Variants in CCDC66 observed in about 807,000 individuals in gnomAD.
CCDC66 encodes the protein coiled-coil domain-containing protein 66.
Under a neutral mutation model 128.3 loss-of-function variants are expected in CCDC66, and 133 were observed. That is an observed-to-expected ratio of 1.04 (90% CI 0.90 to 1.20). CCDC66 has a LOEUF of 1.20. Ranked by LOEUF, CCDC66 falls within the 50% of genes most tolerant of loss-of-function variation. The probability of loss-of-function intolerance (pLI) is 0.00; values close to 1 mark genes in which losing one functional copy is unlikely to be tolerated. For missense variants in CCDC66, 1,126 were observed against 1,075.5 expected (o/e 1.05, Z -0.66); for synonymous variants, 387 against 357.0 (o/e 1.08, Z -0.95).
intron 7 of CCDC66, among the ~76,000 whole-genome samples, chr3:56,591,458 G>A (rs749671642): frequency 6.6e-6 from 1 of 152,100 alleles, no homozygotes; most frequent in Admixed American, 6.6e-5. Flanking sequence ...TTGGGCAACA[G>A]ATGAAATAAA....
intron 7 of CCDC66, among the ~76,000 whole-genome samples, chr3:56,571,853 G>A (rs754458230): frequency 3.3e-5 from 5 of 152,040 alleles, no homozygotes; most frequent in Non-Finnish European, 7.4e-5. Context: ...CAAATGGCTG[G>A]TACTACAGGT....
intron 17 of CCDC66, 68 bp downstream of exon 17, chr3:56,619,969 G>C (rs2076153027): frequency 6.6e-6 from 10 of 1,525,960 alleles, no homozygotes; most frequent in Middle Eastern, 1.7e-4. Context: ...GGAACCTGTT[G>C]AACGGTTTGT....
At position 56,573,070 on chromosome 3, in the gene CCDC66, T is replaced by C. The variant is rs1394379064; in HGVS notation, c.936+1768T>C. Among the ~76,000 whole-genome samples, 13 of 152,192 alleles carry C rather than the reference T, an allele frequency of 8.5e-5. 1 individual carries two copies. The highest frequency in any genetic ancestry group is 1.8e-4 in the Non-Finnish European group (12 of 68,046). On this transcript the variant is annotated intron_variant, in intron 7 of 17. Transcript: ENST00000394672. ...TACTTTTCAACATCAGGATAAAAAA[T>C]CTGTAATACTAAAAATGTTAAATAA...
chr3:56,595,049 A>C (rs1334384020), intron 10 of CCDC66, among the ~76,000 whole-genome samples: 1 of 152,242 alleles, frequency 6.6e-6, no homozygotes, highest in Non-Finnish European at 1.5e-5. Context: ...TTATATAAAT[A>C]ATACTTTCAG....
chr3:56,588,475 A>G (rs2106853038), intron 7 of CCDC66, among the ~76,000 whole-genome samples: 1 of 152,326 alleles, frequency 6.6e-6, no homozygotes, highest in East Asian at 1.9e-4. Context: ...TTTAAAAAGT[A>G]ATTGCAGTTT....
chr3:56,608,065 G>A (rs2074306768), intron 10 of CCDC66, among the ~76,000 whole-genome samples: 1 of 152,162 alleles, frequency 6.6e-6, no homozygotes, highest in Admixed American at 6.5e-5. Flanking sequence ...TAGCATCTAT[G>A]TTCATCAAAG....
chr3:56,591,787 C>G (rs1467943475), intron 7 of CCDC66, among the ~76,000 whole-genome samples: 1 of 152,118 alleles, frequency 6.6e-6, no homozygotes, highest in East Asian at 1.9e-4. Flanking sequence ...AATATTTCTT[C>G]TGATCAAAAC....
chr3:56,563,381 AT>A lies in CCDC66; in HGVS notation c.103-296del, dbSNP rs531194214. 293 of 150,848 alleles carry A rather than the reference AT, an allele frequency of 1.9e-3. 1 individual carries two copies. The highest frequency in any genetic ancestry group is 0.011 in the African/African-American group (281 of 26,230). 9.3% of individuals were successfully genotyped at this position (150,848 alleles called of 1,614,324 possible). On this transcript the variant is annotated intron_variant, in intron 3 of 17. Coordinates refer to ENST00000394672, the MANE Select transcript of CCDC66 (RefSeq NM_001141947.3). Reference sequence around the variant, plus strand: ...GTGTCAAAAAAAAGTAGTTAAAAAAATTTTTTTAATTGAAAAAAAAAAAAAA... The same window carrying A: ...GTGTCAAAAAAAAGTAGTTAAAAAAATTTTTTAATTGAAAAAAAAAAAAAA...
rs1480230690 is a variant in CCDC66, at chr3:56,583,975, C to A, written c.937-8995C>A. Among the ~76,000 whole-genome samples, 6 of 135,004 alleles carry A rather than the reference C, an allele frequency of 4.4e-5. No individual in the cohort carries two copies. The South Asian group carries it at 1.4e-3, about 32-fold the overall frequency. The allele number at this position is 135,004 out of a possible 152,430, so 88.6% of individuals were successfully genotyped here. ...GGGCGGCTGGCCGGGCGGGGGCTGC[C>A]CCCCACCTCCCTCCCGGACGGGGCG... On this transcript the variant is annotated intron_variant, in intron 7 of 17. Transcript: ENST00000394672.
chr3:56,600,559 G>T (rs912023228), intron 10 of CCDC66, among the ~76,000 whole-genome samples: 2 of 152,002 alleles, frequency 1.3e-5, no homozygotes, highest in African/African-American at 4.8e-5. Flanking sequence ...TTGCCACACT[G>T]TCTTCCACAA....
At chr3:56,596,094 T>C (rs2071860282) in intron 10 of CCDC66, among the ~76,000 whole-genome samples, 1 of 152,164 alleles carries the variant, frequency 6.6e-6, no homozygotes, top group Admixed American at 6.5e-5. Context: ...TTAATTTTTT[T>C]CTTTTATAGA....
At position 56,603,200 on chromosome 3, in the gene CCDC66, T is replaced by C. The variant is rs956576597; in HGVS notation, c.1404+9172T>C. Among the ~76,000 whole-genome samples, 7 of 151,578 alleles carry C rather than the reference T, an allele frequency of 4.6e-5. 1 individual carries two copies. Among genetic ancestry groups the C allele is most frequent in the East Asian group, 1.9e-4 (1 of 5,164 alleles). ...CTTTTCTTCTTATTAGTCTGGCTAGTGGTCTGTCTATTTTGTTGATCTTTT... is the reference window on the plus strand; with the variant it reads ...CTTTTCTTCTTATTAGTCTGGCTAGCGGTCTGTCTATTTTGTTGATCTTTT... On this transcript the variant is annotated intron_variant, in intron 10 of 17. Coordinates refer to ENST00000394672, the MANE Select transcript of CCDC66 (RefSeq NM_001141947.3).
At chr3:56,571,539 G>A (rs1357233940) in intron 7 of CCDC66, among the ~76,000 whole-genome samples, 3 of 151,776 alleles carry the variant, frequency 2.0e-5, no homozygotes, top group African/African-American at 4.8e-5. Flanking sequence ...TCACCACCAT[G>A]GCCAGCTAAT....
chr3:56,598,169 TGTTTGTTTG>T, intron 10 of CCDC66, among the ~76,000 whole-genome samples: 1 of 151,334 alleles, frequency 6.6e-6, no homozygotes, highest in Non-Finnish European at 1.5e-5. Context: ...TTTGTTTGTT[TGTTTGTTTG>T]TTTTGAGACA....
rs2072872157 is a variant in CCDC66 at position 56,600,059 on chromosome 3, A to G, written c.1404+6031A>G. On this transcript the variant is annotated intron_variant, in intron 10 of 17. Coordinates refer to ENST00000394672, the MANE Select transcript of CCDC66 (RefSeq NM_001141947.3). The stretch of plus-strand genomic sequence containing the variant: ...GTATTCCATGGTGTATATGTGCCAC[A>G]TTTTCTTTATCGAGTCTATCATTGA... 1.3e-5 allele frequency among the ~76,000 whole-genome samples: 2 copies of G among 149,988 alleles called. 1 individual carries two copies. Among genetic ancestry groups the G allele is most frequent in the South Asian group, 4.2e-4 (2 of 4,770 alleles).
chr3:56,613,493 G>T, intron 10 of CCDC66, 96 bp from the exon 11 acceptor site: 1 of 1,396,410 alleles, frequency 7.2e-7, no homozygotes, highest in South Asian at 1.5e-5. Context: ...CTCTGTGGAA[G>T]AGGTGAGCAC....
chr3:56,564,132 T>A lies in CCDC66; in HGVS notation c.544+7T>A. The A allele has an allele frequency of 6.3e-7, 1 of 1,578,964 alleles. No homozygotes were observed. The highest frequency in any genetic ancestry group is 8.6e-7 in the Non-Finnish European group (1 of 1,164,850). On this transcript the variant is annotated splice_region_variant and intron_variant, in intron 4 of 17. Coordinates refer to ENST00000394672, the MANE Select transcript of CCDC66 (RefSeq NM_001141947.3). ...AATGGAAAGGAGGCAAAAAGTAAGATTTTTCTAAAGTTTTCATGAATTTTG... is the reference window on the plus strand; with the variant it reads ...AATGGAAAGGAGGCAAAAAGTAAGAATTTTCTAAAGTTTTCATGAATTTTG...
At chr3:56,560,556 C>T (rs1033852180) in intron 3 of CCDC66, among the ~76,000 whole-genome samples, 1 of 152,144 alleles carries the variant, frequency 6.6e-6, no homozygotes, top group South Asian at 2.1e-4. Flanking sequence ...CATGGTGAAA[C>T]CCCATCTTTA....
intron 3 of CCDC66, chr3:56,563,393 G>GAAA: frequency 5.2e-6 from 1 of 193,772 alleles, no homozygotes; most frequent in Non-Finnish European, 1.0e-5. Flanking sequence ...TTTTTTAATT[G>GAAA]AAAAAAAAAA....
Sources: gnomAD v4.1 joint callset for allele counts (sites outside exome capture counted in the v4.1 genomes callset) on GRCh38, gnomAD v4.1.1 for gene constraint, MANE v1.5 for transcripts, NCBI Gene and HGNC (gene_info 2026-07-23, HGNC 2026-07-21) for gene names.